DPEP2: variants seen among roughly 807,000 people sequenced by gnomAD.
DPEP2 encodes the protein dipeptidase 2.
Under a neutral mutation model 51.8 loss-of-function variants are expected in DPEP2, and 45 were observed. That is an observed-to-expected ratio of 0.87 (90% confidence interval 0.68 to 1.11). The LOEUF (loss-of-function observed/expected upper bound fraction) is 1.11. Ranked by LOEUF, DPEP2 falls within the 50% of genes most tolerant of loss-of-function variation. The pLI is 0.00. For synonymous variants in DPEP2, 255 were observed against 262.7 expected, an observed-to-expected ratio of 0.97 and a Z score of 0.28; for missense variants, 604 against 631.9, an observed-to-expected ratio of 0.96 and a Z score of 0.47.
intron 9 of DPEP2, among the ~76,000 whole-genome samples, chr16:67,988,662 G>A (rs2031738751): frequency 6.6e-6 from 1 of 151,558 alleles, no homozygotes; most frequent in Non-Finnish European, 1.5e-5. Context: ...GCTTAGGCCT[G>A]TAATCCCACA....
intron 9 of DPEP2, among the ~76,000 whole-genome samples, chr16:67,988,926 A>T (rs2031768018): frequency 6.6e-6 from 1 of 152,034 alleles, no homozygotes; most frequent in Admixed American, 6.6e-5. Flanking sequence ...AAGAAGAAGA[A>T]AAGGAAGAAA....
At chr16:67,993,646 G>C in intron 1 of DPEP2, 1 of 990,216 alleles carries the variant, frequency 1.0e-6, no homozygotes, top group Non-Finnish European at 1.2e-6. Context: ...CCTGCCCTGG[G>C]AGATCTGCAG....
rs1317042700 is a variant in DPEP2 at position 67,992,164 on chromosome 16, G to A, written c.420C>T (p.Thr140=). ...TGAGGCGCAGGGCATCCCGGTCCTGGGTCTGGCATGGCACATAGGCTGACC... is the reference window on the plus strand; with the variant it reads ...TGAGGCGCAGGGCATCCCGGTCCTGAGTCTGGCATGGCACATAGGCTGACC... The part of the protein sequence containing the change: ...QFWSAYVPCQ[T]QDRDALRLTL... The change falls in exon 4 of 11, where the codon ACC becomes ACT. Residue 140 remains threonine (T), a synonymous_variant. Transcript: ENST00000393847. The A allele has an allele frequency of 6.2e-7, 1 of 1,614,180 alleles. No individual in the cohort carries two copies.
chr16:67,997,645 C>T (rs1025525013), intron 1 of DPEP2, among the ~76,000 whole-genome samples: 1 of 152,158 alleles, frequency 6.6e-6, no homozygotes, highest in Non-Finnish European at 1.5e-5. Flanking sequence ...CATGAGCCAC[C>T]GCGCCCAGCT....
At position 67,991,904 on chromosome 16, in the gene DPEP2, A is replaced by C. The variant is rs374497696; in HGVS notation, c.596T>G (p.Ile199Ser). 13 of 1,614,034 alleles carry C rather than the reference A, an allele frequency of 8.1e-6. No individual in the cohort carries two copies. The African/African-American group carries it at 1.7e-4, about 22-fold the overall frequency. The change falls in exon 5 of 11, where the codon ATC (isoleucine) becomes AGC (serine). Residue 199 changes from isoleucine to serine, a missense_variant. By Grantham distance (142) the Ile-to-Ser change is moderately radical. Coordinates refer to ENST00000393847, the MANE Select transcript of DPEP2 (RefSeq NM_022355.4). The surrounding 1 kb of genome is among the most constrained non-coding windows in gnomAD (Gnocchi z 5.1). Reference sequence around the variant, plus strand: ...TCCCAGCATGTAGAAGGTACGTAAGATGGAGAGGCTATTGTCCAGCGAGTG... The same window carrying C: ...TCCCAGCATGTAGAAGGTACGTAAGCTGGAGAGGCTATTGTCCAGCGAGTG... The part of the protein sequence containing the change: ...GGHSLDNSLS[I>S]LRTFYMLGVR...
intron 3 of DPEP2, 85 bp downstream of exon 3, chr16:67,992,425 G>A: frequency 6.5e-7 from 1 of 1,533,508 alleles, no homozygotes; most frequent in Non-Finnish European, 8.8e-7. Flanking sequence ...GTTCTCATGT[G>A]ACTAACTTGT....
At chr16:67,993,439 C>T in intron 1 of DPEP2, 182 bp from the exon 2 acceptor site, 1 of 1,256,682 alleles carries the variant, frequency 8.0e-7, no homozygotes, top group Non-Finnish European at 1.0e-6. Context: ...CCGCCGTCAT[C>T]CCCAAGGGCG....
At position 67,993,067 on chromosome 16, in the gene DPEP2, G is replaced by A; in HGVS notation, c.146C>T (p.Pro49Leu). The A allele has an allele frequency of 6.3e-7, 1 of 1,576,054 alleles. No homozygotes were observed. Among genetic ancestry groups the A allele is most frequent in the Non-Finnish European group, 8.6e-7 (1 of 1,159,998 alleles). Residue 49 changes from proline (P) to leucine (L), a missense_variant, in exon 2 of 11, where the codon CCC becomes CTC. By Grantham distance (98) the Pro-to-Leu change is moderately conservative. Coordinates refer to ENST00000393847, the MANE Select transcript of DPEP2 (RefSeq NM_022355.4). ...GGTGCCCGGCATGGTGTGGGCTCTG[G>A]GGGCGCCCAGCGTGGTGAGGGCTCT... ...PPRALTTLGA[P>L]RAHTMPGTYA...
intron 9 of DPEP2, 104 bp from the exon 10 acceptor site, chr16:67,988,091 G>A (rs920535111): frequency 1.1e-5 from 16 of 1,477,596 alleles, no homozygotes; most frequent in African/African-American, 9.7e-5. Context: ...GGTATGGGAA[G>A]TGGAGACTTG....
rs200429288 is a variant in DPEP2, at chr16:67,990,852, C to T, written c.878G>A (p.Arg293Gln). 1.2e-5 allele frequency: 20 copies of T among 1,613,994 alleles called. No homozygotes were observed. The highest frequency in any genetic ancestry group is 8.8e-5 in the South Asian group (8 of 91,070). ...SAARGVCNSA[R>Q]NVPDDILQLL... ...CTGCAGGATGTCATCAGGAACATTC[C>T]GAGCACTGTTGCACACACCCCGGGC... is the stretch of plus-strand genomic sequence containing the variant. Residue 293 changes from arginine to glutamine, a missense_variant, in exon 7 of 11, where the codon CGG becomes CAG. Coordinates refer to ENST00000393847, the MANE Select transcript of DPEP2 (RefSeq NM_022355.4).
Position 67,988,179 on chromosome 16 carries a change from T to G in DPEP2, c.1071-192A>C, listed in dbSNP as rs945828935. On this transcript the variant is annotated intron_variant, in intron 9 of 10. Transcript: ENST00000393847. ...AACCTCCTTGAATATTTATCAAAAC[T>G]TATTGAATCATACTATTAAGATCTA... The G allele has an allele frequency of 2.8e-5, 18 of 631,634 alleles. No homozygotes were observed. In the African/African-American group the frequency reaches 2.9e-4, roughly 10 times the overall value. The allele number at this position is 631,634 out of a possible 1,614,324, so 39.1% of individuals were successfully genotyped here. A position where few individuals can be genotyped will look rare whatever the true frequency, so the allele number is the denominator to read the frequency against.
intron 1 of DPEP2, among the ~76,000 whole-genome samples, chr16:67,995,220 AT>A (rs1419698043): frequency 6.6e-6 from 1 of 150,912 alleles, no homozygotes. Context: ...TTTTTTATTT[AT>A]TTTTTTAATT....
At chr16:67,999,708 G>A (rs1224971552), upstream of DPEP2, 1 of 155,468 alleles carries the variant, frequency 6.4e-6, no homozygotes, top group Non-Finnish European at 1.4e-5. Context: ...ATCTCTTGAA[G>A]CCGGAGGTTT....
chr16:67,994,813 C>A, intron 1 of DPEP2: 7 of 985,360 alleles, frequency 7.1e-6, no homozygotes, highest in Non-Finnish European at 7.2e-6. Flanking sequence ...CTTGATGTTG[C>A]CCAGTGTCTG....
In DPEP2 at chr16:67,989,414, G is replaced by A. The variant is rs764291789; in HGVS notation, c.995-16C>T. The A allele has an allele frequency of 3.7e-6, 6 of 1,614,102 alleles. No individual in the cohort carries two copies. Among genetic ancestry groups the A allele is most frequent in the Admixed American group, 3.3e-5 (2 of 60,012 alleles). On this transcript the variant is annotated splice_polypyrimidine_tract_variant and intron_variant, in intron 8 of 10. Transcript: ENST00000393847. ...TCGAAGTGATCTGGGGAGGGGGAAG[G>A]TGGACAGTCAGCTGCGTAGGGCTTC...
intron 3 of DPEP2, 140 bp from the exon 4 acceptor site, chr16:67,992,333 T>C: frequency 1.4e-6 from 2 of 1,435,522 alleles, no homozygotes; most frequent in Non-Finnish European, 1.9e-6. Flanking sequence ...AGGGTCTTCC[T>C]GGCCACCAAG....
At chr16:67,998,657 T>C (rs1314590536) in intron 1 of DPEP2, among the ~76,000 whole-genome samples, 2 of 152,246 alleles carry the variant, frequency 1.3e-5, no homozygotes, top group African/African-American at 4.8e-5. Context: ...CGGGATCCAC[T>C]GGGTGAAGCC....
In DPEP2 at chr16:67,990,104, A is replaced by G; in HGVS notation, c.937T>C (p.Ser313Pro). ...LKKNGGVVMV[S>P]LSMGVIQCNP... The stretch of plus-strand genomic sequence containing the variant: ...CACTGTATTACTCCCATGGACAAAG[A>G]CACCATCACGACGCCACCGTTCTTC... The change falls in exon 8 of 11, where the codon TCT becomes CCT. Residue 313 changes from serine (S) to proline (P), a missense_variant. Transcript: ENST00000393847. 6.2e-7 allele frequency: 1 copy of G among 1,614,060 alleles called. No homozygotes were observed. Among genetic ancestry groups the G allele is most frequent in the African/African-American group, 1.3e-5 (1 of 75,014 alleles).
At chr16:67,988,048 A>G in intron 9 of DPEP2, 61 bp from the exon 10 acceptor site, 1 of 1,609,080 alleles carries the variant, frequency 6.2e-7, no homozygotes, top group Non-Finnish European at 8.5e-7. Flanking sequence ...TCAGAACCAC[A>G]GTCCAGGGTC....
Sources: allele counts gnomAD v4.1 joint callset (sites outside exome capture counted in the v4.1 genomes callset), GRCh38; gene constraint gnomAD v4.1.1; non-coding constraint Gnocchi (gnomAD v3.1); transcripts MANE v1.5; gene names NCBI Gene and HGNC (gene_info 2026-07-23, HGNC 2026-07-21).